Variants in SLC6A20 observed in about 807,000 individuals in gnomAD.
SLC6A20 encodes the protein solute carrier family 6 member 20, also known as sodium- and chloride-dependent transporter XTRP3.
In SLC6A20, 73 loss-of-function variants were observed where a neutral mutation model predicts 64.3. The ratio of observed to expected loss-of-function variants is 1.14; its 90% CI spans 0.94 to 1.38. The LOEUF is 1.38. Ranked by LOEUF, SLC6A20 falls within the 40% of genes most tolerant of loss-of-function variation. The pLI, the probability that SLC6A20 is intolerant of heterozygous loss-of-function variation, is 0.00. For synonymous variants in SLC6A20, 347 were observed against 329.6 expected, an observed-to-expected ratio of 1.05 and a Z score of -0.57; for missense variants, 725 against 772.8, an observed-to-expected ratio of 0.94 and a Z score of 0.73.
intron 2 of SLC6A20, among the ~76,000 whole-genome samples, chr3:45,780,693 G>C (rs1700066902): frequency 6.6e-6 from 1 of 151,050 alleles, no homozygotes. Flanking sequence ...GCACAGAGAG[G>C]GGTGGGAGGC....
rs1448582208 is a variant in SLC6A20, at chr3:45,757,941, A to G, written c.*1037T>C. ...TTTTTTTTTTTTTTTTTTGAGTCAG[A>G]GTCTTGCTCTGTCGCCCAGACTGGA... On this transcript the variant is annotated 3_prime_UTR_variant, in exon 11 of 11. Coordinates refer to ENST00000358525, the MANE Select transcript of SLC6A20 (RefSeq NM_020208.4). 7.4e-6 allele frequency: 1 copy of G among 134,864 alleles called. No individual in the cohort carries two copies. The highest frequency in any genetic ancestry group is 1.5e-5 in the Non-Finnish European group (1 of 65,292). The allele number at this position is 134,864 out of a possible 1,614,324, so 8.4% of individuals were successfully genotyped here.
At chr3:45,795,384 A>T (rs753780953) in intron 1 of SLC6A20, among the ~76,000 whole-genome samples, 9 of 152,094 alleles carry the variant, frequency 5.9e-5, no homozygotes, top group Non-Finnish European at 1.0e-4. Context: ...CCTTGAATGG[A>T]TGCTCTATAA....
At chr3:45,770,127 T>C (rs1575427583) in intron 7 of SLC6A20, 82 bp downstream of exon 7, 1 of 1,567,852 alleles carries the variant, frequency 6.4e-7, no homozygotes, top group South Asian at 1.2e-5. Context: ...AGACCTCGCC[T>C]ATCTCCCAAG....
intron 7 of SLC6A20, among the ~76,000 whole-genome samples, chr3:45,769,681 T>C (rs549324842): frequency 4.7e-4 from 71 of 152,016 alleles, no homozygotes; most frequent in Non-Finnish European, 8.4e-4. Flanking sequence ...GACATAGGAG[T>C]GCAAAAGGCT....
chr3:45,782,282 C>G, intron 1 of SLC6A20, 59 bp from the exon 2 acceptor site: 1 of 1,553,786 alleles, frequency 6.4e-7, no homozygotes, highest in Non-Finnish European at 8.7e-7. Flanking sequence ...TCCACGACCA[C>G]TCAACCTCTG....
At chr3:45,774,983 G>A (rs1216640958) in intron 4 of SLC6A20, among the ~76,000 whole-genome samples, 1 of 152,192 alleles carries the variant, frequency 6.6e-6, no homozygotes. Context: ...TGGGTCTACT[G>A]TGAGAAGTGA....
intron 3 of SLC6A20, among the ~76,000 whole-genome samples, chr3:45,777,331 C>T (rs1559567997): frequency 1.3e-5 from 2 of 148,952 alleles, no homozygotes; most frequent in Non-Finnish European, 3.0e-5. Context: ...CAATACCTCC[C>T]CAGGCCACCC....
At position 45,795,633 on chromosome 3, in the gene SLC6A20, A is replaced by G. The variant is rs1363042766; in HGVS notation, c.121+666T>C. ...TTCACGAGGTTATAGACATGTGTAG[A>G]AGGTGTTCCCAGCTTTCCGCAACGC... On this transcript the variant is annotated intron_variant, in intron 1 of 10. Transcript: ENST00000358525. 3.9e-4 allele frequency among the ~76,000 whole-genome samples: 59 copies of G among 152,212 alleles called. 1 individual carries two copies. Among genetic ancestry groups the G allele is most frequent in the Admixed American group, 3.8e-3 (58 of 15,284 alleles).
Position 45,756,486 on chromosome 3 carries a change from A to T in SLC6A20, c.*2492T>A, listed in dbSNP as rs541425547. 1 of 152,358 alleles carries T rather than the reference A, an allele frequency of 6.6e-6. No individual in the cohort carries two copies. The highest frequency in any genetic ancestry group is 2.4e-5 in the African/African-American group (1 of 41,586). The allele number at this position is 152,358 out of a possible 1,614,324, so 9.4% of individuals were successfully genotyped here. ...TGCTGGTTCATACATTTGAAAGTCAAATGTATGATAACTGGACAATCAGGT... is the reference window on the plus strand; with the variant it reads ...TGCTGGTTCATACATTTGAAAGTCATATGTATGATAACTGGACAATCAGGT... On this transcript the variant is annotated 3_prime_UTR_variant, in exon 11 of 11. Transcript: ENST00000358525.
intron 1 of SLC6A20, among the ~76,000 whole-genome samples, chr3:45,791,431 C>A (rs988900999): frequency 2.6e-5 from 4 of 152,144 alleles, no homozygotes; most frequent in Non-Finnish European, 5.9e-5. Flanking sequence ...AACACACAGA[C>A]AAATAGAGGC....
At chr3:45,777,189 G>A (rs1043372340) in intron 3 of SLC6A20, among the ~76,000 whole-genome samples, 1 of 152,152 alleles carries the variant, frequency 6.6e-6, no homozygotes, top group Non-Finnish European at 1.5e-5. Flanking sequence ...TATTTCACAG[G>A]AGACAGAACC....
chr3:45,793,096 TA>T (rs1298891709), intron 1 of SLC6A20, among the ~76,000 whole-genome samples: 2 of 152,152 alleles, frequency 1.3e-5, no homozygotes, highest in African/African-American at 4.8e-5. Context: ...CAATTTGGGG[TA>T]AGCAGTACAG....
rs1021127903 is a variant in SLC6A20, at chr3:45,758,898, A to G, written c.*80T>C. Reference sequence around the variant, plus strand: ...TTGATGGGCTGAGCACTCCTGGCTTAAGCATTTGAAAAAGCAGCCGAGGAG... The same window carrying G: ...TTGATGGGCTGAGCACTCCTGGCTTGAGCATTTGAAAAAGCAGCCGAGGAG... On this transcript the variant is annotated 3_prime_UTR_variant, in exon 11 of 11. Coordinates refer to ENST00000358525, the MANE Select transcript of SLC6A20 (RefSeq NM_020208.4). 1 of 1,498,008 alleles carries G rather than the reference A, an allele frequency of 6.7e-7. No individual in the cohort carries two copies. Among genetic ancestry groups the G allele is most frequent in the Non-Finnish European group, 8.9e-7 (1 of 1,123,386 alleles). 92.8% of individuals were successfully genotyped at this position (1,498,008 alleles called of 1,614,324 possible).
intron 1 of SLC6A20, among the ~76,000 whole-genome samples, chr3:45,784,984 T>C (rs536479838): frequency 1.2e-4 from 19 of 152,346 alleles, no homozygotes; most frequent in African/African-American, 4.3e-4. Flanking sequence ...TACCAATCCA[T>C]TGACAAGGCC....
At chr3:45,785,613 T>TCTCTC (rs1700157049) in intron 1 of SLC6A20, among the ~76,000 whole-genome samples, 2 of 141,104 alleles carry the variant, frequency 1.4e-5, no homozygotes, top group Non-Finnish European at 3.0e-5. Flanking sequence ...AAACTCCCCT[T>TCTCTC]TCTCTCTCTC....
intron 1 of SLC6A20, 147 bp downstream of exon 1, chr3:45,796,152 C>T (rs1407534191): frequency 6.9e-7 from 1 of 1,443,128 alleles, no homozygotes; most frequent in East Asian, 2.7e-5. Flanking sequence ...GTCCTGGGAA[C>T]ACTCCCGGGT....
At chr3:45,781,240 T>C (rs1163273515) in intron 2 of SLC6A20, among the ~76,000 whole-genome samples, 1 of 150,760 alleles carries the variant, frequency 6.6e-6, no homozygotes, top group Non-Finnish European at 1.5e-5. Flanking sequence ...AAAAAATTAA[T>C]AGCCATTCAA....
rs1181657644 is a variant in SLC6A20, at chr3:45,771,345, G to C, written c.807C>G (p.Ser269=). ...TGATGGCGTGCTTCTGGCAGTTGTTGGATGGCTCATTGTAGCTGGCGAAGG... is the reference window on the plus strand; with the variant it reads ...TGATGGCGTGCTTCTGGCAGTTGTTCGATGGCTCATTGTAGCTGGCGAAGG... ...LIAFASYNEP[S]NNCQKHAIIV... Residue 269 remains serine (S), a synonymous_variant, in exon 6 of 11, where the codon TCC becomes TCG. Transcript: ENST00000358525. The C allele has an allele frequency of 6.2e-7, 1 of 1,614,272 alleles. No homozygotes were observed. The highest frequency in any genetic ancestry group is 1.7e-5 in the Admixed American group (1 of 60,036).
At chr3:45,770,698 T>C (rs1699847781) in intron 6 of SLC6A20, among the ~76,000 whole-genome samples, 2 of 152,264 alleles carry the variant, frequency 1.3e-5, no homozygotes, top group South Asian at 4.1e-4. Flanking sequence ...GAGCACTTAA[T>C]GGTGGACACT....
Sources: allele counts gnomAD v4.1 joint callset (sites outside exome capture counted in the v4.1 genomes callset), GRCh38; gene constraint gnomAD v4.1.1; transcripts MANE v1.5; gene names NCBI Gene and HGNC (gene_info 2026-07-23, HGNC 2026-07-21).